Variants in HTR1E observed in about 807,000 individuals in gnomAD.
The protein encoded by HTR1E is 5-hydroxytryptamine receptor 1E.
A neutral mutation model predicts 3.4 loss-of-function variants in HTR1E; 3 were observed. The ratio of observed to expected loss-of-function variants is 0.89; its 90% CI spans 0.41 to 2.31. The LOEUF (loss-of-function observed/expected upper bound fraction) is 2.31, where lower values mean the gene tolerates loss of function less well. HTR1E is among the 30% of genes most tolerant of loss of function. The pLI is 0.05. For synonymous variants in HTR1E, 170 were observed against 182.8 expected, an observed-to-expected ratio of 0.93 and a Z score of 0.56; for missense variants, 392 against 467.0, an observed-to-expected ratio of 0.84 and a Z score of 1.48.
intron 1 of HTR1E, among the ~76,000 whole-genome samples, chr6:86,940,318 A>T (rs1227233203): frequency 6.6e-6 from 1 of 152,104 alleles, no homozygotes; most frequent in African/African-American, 2.4e-5. Flanking sequence ...GGAGGATCAC[A>T]TGAGCCCATG....
chr6:86,958,937 CGTGTGTGTGTGTGTGTGT>C (rs55871033), intron 1 of HTR1E, among the ~76,000 whole-genome samples: 119 of 140,076 alleles, frequency 8.5e-4, no homozygotes, highest in African/African-American at 2.0e-3. Context: ...ACCAATTGCA[CGTGTGTGTGTGTGTGTGT>C]GTGTGTGTGT....
chr6:86,985,923 G>A (rs906328846), intron 1 of HTR1E, among the ~76,000 whole-genome samples: 2 of 152,152 alleles, frequency 1.3e-5, no homozygotes, highest in African/African-American at 4.8e-5. Context: ...CAAGATGGGA[G>A]GCATGCAGTG....
chr6:86,950,984 T>G (rs895444555), intron 1 of HTR1E, among the ~76,000 whole-genome samples: 2 of 152,220 alleles, frequency 1.3e-5, no homozygotes, highest in Non-Finnish European at 2.9e-5. Context: ...ATTTTTAACT[T>G]TTTATTGATC....
At chr6:86,948,493 G>A (rs893502346) in intron 1 of HTR1E, among the ~76,000 whole-genome samples, 5 of 152,074 alleles carry the variant, frequency 3.3e-5, no homozygotes, top group African/African-American at 1.2e-4. Context: ...GGGGAAATGA[G>A]GTTTGGTAAT....
chr6:87,009,551 T>C (rs1478242302), intron 1 of HTR1E, among the ~76,000 whole-genome samples: 2 of 148,918 alleles, frequency 1.3e-5, no homozygotes, highest in African/African-American at 5.0e-5. Context: ...ATTGTCATCC[T>C]GGCCCGTTCT....
intron 1 of HTR1E, among the ~76,000 whole-genome samples, chr6:87,007,646 A>T (rs1768135594): frequency 6.6e-6 from 1 of 152,018 alleles, no homozygotes; most frequent in Non-Finnish European, 1.5e-5. Flanking sequence ...TAAAAATTAA[A>T]CTCTTCTGGC....
In HTR1E at chr6:86,998,143, T is replaced by C. The variant is rs191534442; in HGVS notation, c.-185-17007T>C. Among the ~76,000 whole-genome samples the C allele has an allele frequency of 1.8e-3, 280 of 152,150 alleles. 2 individuals carry two copies. The highest frequency in any genetic ancestry group is 2.1e-3 in the South Asian group (10 of 4,826). ...GAAATTGACATACCCACAATTATAG[T>C]TGGAGATTTTAACACAATTTCCTCA... On this transcript the variant is annotated intron_variant, in intron 1 of 1. Coordinates refer to ENST00000305344, the MANE Select transcript of HTR1E (RefSeq NM_000865.3).
chr6:86,962,504 G>C (rs538374933), intron 1 of HTR1E, among the ~76,000 whole-genome samples: 18 of 152,250 alleles, frequency 1.2e-4, no homozygotes, highest in African/African-American at 4.1e-4. Context: ...ATGTGTTTGT[G>C]GTGATTTGGT....
intron 1 of HTR1E, among the ~76,000 whole-genome samples, chr6:86,994,127 T>G (rs966450490): frequency 6.6e-6 from 1 of 151,636 alleles, no homozygotes; most frequent in Non-Finnish European, 1.5e-5. Flanking sequence ...ATCAACAGAG[T>G]ATTGGGGACT....
At chr6:86,992,055 T>A (rs1368251095) in intron 1 of HTR1E, among the ~76,000 whole-genome samples, 1 of 152,124 alleles carries the variant, frequency 6.6e-6, no homozygotes, top group Admixed American at 6.6e-5. Context: ...ATTCCAAAGG[T>A]TTCAGTTCCT....
chr6:86,990,775 T>C (rs1322881614), intron 1 of HTR1E, among the ~76,000 whole-genome samples: 1 of 152,138 alleles, frequency 6.6e-6, no homozygotes, highest in Non-Finnish European at 1.5e-5. Context: ...GGAGAAGAGA[T>C]AAATCTTCCT....
chr6:86,956,736 T>A (rs1170522991), intron 1 of HTR1E, among the ~76,000 whole-genome samples: 3 of 152,164 alleles, frequency 2.0e-5, no homozygotes, highest in South Asian at 4.1e-4. Context: ...AAAAAAAATT[T>A]AAAAAAATAA....
intron 1 of HTR1E, among the ~76,000 whole-genome samples, chr6:86,945,811 C>G (rs1768608301): frequency 6.6e-6 from 1 of 151,916 alleles, no homozygotes; most frequent in African/African-American, 2.4e-5. Flanking sequence ...GATCCCAGTT[C>G]ACTGCAACGT....
chr6:87,007,933 CA>C (rs57527652), intron 1 of HTR1E, among the ~76,000 whole-genome samples: 2 of 146,798 alleles, frequency 1.4e-5, no homozygotes, highest in Non-Finnish European at 3.0e-5. Context: ...GATTCTGTCT[CA>C]AAAAAAAAAT....
At chr6:86,951,709 T>C (rs1283275741) in intron 1 of HTR1E, among the ~76,000 whole-genome samples, 1 of 152,228 alleles carries the variant, frequency 6.6e-6, no homozygotes, top group Non-Finnish European at 1.5e-5. Flanking sequence ...ATGAAGGATA[T>C]ATTCGAAACT....
chr6:87,003,640 A>G (rs918026753), intron 1 of HTR1E, among the ~76,000 whole-genome samples: 1 of 152,118 alleles, frequency 6.6e-6, no homozygotes, highest in Non-Finnish European at 1.5e-5. Context: ...AAAAGGTTAC[A>G]GGAATAAGTG....
At chr6:86,995,665 C>CAAAAAAAAAAAAAAAAAAAAAA (rs60134206) in intron 1 of HTR1E, among the ~76,000 whole-genome samples, 2 of 36,690 alleles carry the variant, frequency 5.5e-5, no homozygotes, top group African/African-American at 9.9e-5. Context: ...GACTCCATCT[C>CAAAAAAAAAAAAAAAAAAAAAA]AAAAAAAAAA....
chr6:87,008,343 A>G (rs753118016), intron 1 of HTR1E, among the ~76,000 whole-genome samples: 1 of 152,194 alleles, frequency 6.6e-6, no homozygotes, highest in African/African-American at 2.4e-5. Flanking sequence ...TAAATTTAAC[A>G]AACAGAAAGA....
intron 1 of HTR1E, among the ~76,000 whole-genome samples, chr6:86,953,046 A>G (rs1278604574): frequency 6.6e-6 from 1 of 152,224 alleles, no homozygotes; most frequent in Non-Finnish European, 1.5e-5. Context: ...ACCTCTCTGC[A>G]TGCTGCCTTG....
Sources: allele counts gnomAD v4.1 joint callset (sites outside exome capture counted in the v4.1 genomes callset), GRCh38; gene constraint gnomAD v4.1.1; transcripts MANE v1.5; gene names NCBI Gene and HGNC (gene_info 2026-07-23, HGNC 2026-07-21).